BLTP3A: variants seen among roughly 807,000 people sequenced by gnomAD.
BLTP3A encodes ICBP90 binding protein 1.
chr6:34,817,382 T>C, the BLTP3A span, among the ~76,000 whole-genome samples: 2 of 152,224 alleles, frequency 1.3e-5, no homozygotes, highest in Non-Finnish European at 2.9e-5. Flanking sequence ...GTAGATTAAA[T>C]TTTTTAAAGT....
chr6:34,867,760 T>G, the BLTP3A span: 35 of 1,117,524 alleles, frequency 3.1e-5, no homozygotes, highest in Non-Finnish European at 6.1e-6. Flanking sequence ...GAGGAAAAAC[T>G]CCATTGAAGC....
the BLTP3A span, chr6:34,855,677 T>C: frequency 4.3e-6 from 7 of 1,613,900 alleles, no homozygotes; most frequent in Non-Finnish European, 5.1e-6. Context: ...AAGATGGCGT[T>C]TGACTATTAC....
the BLTP3A span, among the ~76,000 whole-genome samples, chr6:34,797,520 T>G: frequency 6.6e-6 from 1 of 152,208 alleles, no homozygotes; most frequent in Non-Finnish European, 1.5e-5. Flanking sequence ...GCTGTTACTT[T>G]TCCAAGGTCA....
the BLTP3A span, among the ~76,000 whole-genome samples, chr6:34,869,668 T>TTTTTTTTTG: frequency 7.5e-6 from 1 of 132,460 alleles, no homozygotes; most frequent in African/African-American, 2.8e-5. Context: ...TTTTTTTTTT[T>TTTTTTTTTG]GAGGCAGAGT....
chr6:34,835,407 T>C, the BLTP3A span: 3 of 1,614,020 alleles, frequency 1.9e-6, no homozygotes, highest in African/African-American at 4.0e-5. Flanking sequence ...AGTCACTGAG[T>C]GAAGCCATGG....
At chr6:34,869,927 G>A in the BLTP3A span, among the ~76,000 whole-genome samples, 1 of 152,150 alleles carries the variant, frequency 6.6e-6, no homozygotes, top group Non-Finnish European at 1.5e-5. Context: ...AGGATTACAG[G>A]CATGAGCCAC....
chr6:34,858,539 C>T, the BLTP3A span: 13 of 1,614,054 alleles, frequency 8.1e-6, no homozygotes, highest in Non-Finnish European at 1.1e-5. Flanking sequence ...TCCATTTGGG[C>T]CTGCCTACCC....
chr6:34,809,271 T>C, the BLTP3A span, among the ~76,000 whole-genome samples: 1 of 152,066 alleles, frequency 6.6e-6, no homozygotes, highest in Non-Finnish European at 1.5e-5. Context: ...TGCATGCCAC[T>C]AGTCTCAACT....
At chr6:34,807,230 A>G in the BLTP3A span, among the ~76,000 whole-genome samples, 2 of 152,210 alleles carry the variant, frequency 1.3e-5, no homozygotes, top group Admixed American at 6.6e-5. Context: ...ATGCCAATAC[A>G]TGAGTCATGA....
the BLTP3A span, among the ~76,000 whole-genome samples, chr6:34,854,366 CATAA>C: frequency 4.5e-4 from 68 of 151,822 alleles, no homozygotes; most frequent in Non-Finnish European, 3.2e-4. Context: ...ATAATATATA[CATAA>C]ATAAAACTAA....
the BLTP3A span, among the ~76,000 whole-genome samples, chr6:34,808,509 T>C: frequency 1.3e-5 from 2 of 152,090 alleles, no homozygotes; most frequent in East Asian, 3.9e-4. Context: ...AACATAAATA[T>C]TGTCAGCGGT....
At chr6:34,849,709 T>C in the BLTP3A span, among the ~76,000 whole-genome samples, 2 of 152,246 alleles carry the variant, frequency 1.3e-5, no homozygotes, top group African/African-American at 4.8e-5. Context: ...AACGTCCTTT[T>C]CTTTCAGATT....
At chr6:34,794,346 T>TAAAA in the BLTP3A span, among the ~76,000 whole-genome samples, 67,517 of 151,550 alleles carry the variant, frequency 0.45, 17,033 homozygotes, top group African/African-American at 0.7. Flanking sequence ...AATTAAAAAT[T>TAAAA]AAAGGTTATT....
the BLTP3A span, among the ~76,000 whole-genome samples, chr6:34,862,865 T>C: frequency 1.3e-5 from 2 of 150,644 alleles, no homozygotes; most frequent in Admixed American, 6.6e-5. Flanking sequence ...CATAGTTTTC[T>C]GAGCCCTATT....
At chr6:34,860,690 G>A in the BLTP3A span, among the ~76,000 whole-genome samples, 1 of 152,174 alleles carries the variant, frequency 6.6e-6, no homozygotes, top group African/African-American at 2.4e-5. Flanking sequence ...TCTCACAGAT[G>A]AGGAAACTGA....
chr6:34,857,941 T>C, the BLTP3A span: 1 of 1,604,608 alleles, frequency 6.2e-7, no homozygotes, highest in East Asian at 2.2e-5. Context: ...GTGACTTTTA[T>C]CCCCTGTTAG....
At chr6:34,795,464 C>A in the BLTP3A span, among the ~76,000 whole-genome samples, 1 of 151,170 alleles carries the variant, frequency 6.6e-6, no homozygotes, top group Non-Finnish European at 1.5e-5. Context: ...GTGGCACGAT[C>A]TCGGCTCACT....
At chr6:34,799,443 T>C in the BLTP3A span, among the ~76,000 whole-genome samples, 2 of 151,302 alleles carry the variant, frequency 1.3e-5, no homozygotes, top group Non-Finnish European at 2.9e-5. Context: ...TGAGCTAAGG[T>C]CATGCCACTG....
the BLTP3A span, among the ~76,000 whole-genome samples, chr6:34,833,756 GTC>G: frequency 6.6e-6 from 1 of 151,556 alleles, no homozygotes; most frequent in Non-Finnish European, 1.5e-5. Flanking sequence ...GGGAAACCCC[GTC>G]TCTACTAAAA....
Sources: gnomAD v4.1 joint callset for allele counts (sites outside exome capture counted in the v4.1 genomes callset) on GRCh38, gnomAD v4.1.1 for gene constraint, MANE v1.5 for transcripts, NCBI Gene and HGNC (gene_info 2026-07-23, HGNC 2026-07-21) for gene names.